The following FYN variants were observed in gnomAD, a reference collection of about 807,000 sequenced individuals.
The protein encoded by FYN is FYN proto-oncogene, Src family tyrosine kinase.
A neutral mutation model predicts 70.2 loss-of-function variants in FYN; 10 were observed. The ratio of observed to expected loss-of-function variants is 0.14; its 90% CI spans 0.09 to 0.24. The LOEUF is 0.24. FYN is among the 10% of genes least tolerant of loss of function. The probability of loss-of-function intolerance (pLI) is 1.00; values close to 1 mark genes in which losing one functional copy is unlikely to be tolerated. For synonymous variants in FYN, 236 were observed against 248.6 expected (o/e 0.95, Z 0.48); for missense variants, 319 against 673.1 (o/e 0.47, Z 5.82).
chr6:111,678,106 A>ATGTGTGTGTG (rs201367268), intron 12 of FYN, among the ~76,000 whole-genome samples: 180 of 118,600 alleles, frequency 1.5e-3, no homozygotes, highest in African/African-American at 7.5e-3. Flanking sequence ...GAAGGCCATA[A>ATGTGTGTGTG]TATGTGTGTG....
At chr6:111,693,505 A>C (rs1171772578) in intron 12 of FYN, among the ~76,000 whole-genome samples, 1 of 152,162 alleles carries the variant, frequency 6.6e-6, no homozygotes, top group Non-Finnish European at 1.5e-5. Context: ...GAAGAAGGAA[A>C]ATATTCCTAA....
chr6:111,818,167 A>G (rs931225551), intron 2 of FYN, among the ~76,000 whole-genome samples: 2 of 152,240 alleles, frequency 1.3e-5, no homozygotes, highest in Non-Finnish European at 2.9e-5. Flanking sequence ...TTGGTCTTGC[A>G]GTATTTACCC....
intron 12 of FYN, among the ~76,000 whole-genome samples, 178 bp from the exon 13 acceptor site, chr6:111,674,808 G>A (rs1391698009): frequency 2.0e-5 from 3 of 152,128 alleles, no homozygotes; most frequent in Non-Finnish European, 2.9e-5. Context: ...GGTCTTGACT[G>A]TGTGACCGTA....
At chr6:111,742,496 C>A (rs1315041446) in intron 3 of FYN, among the ~76,000 whole-genome samples, 1 of 152,158 alleles carries the variant, frequency 6.6e-6, no homozygotes, top group African/African-American at 2.4e-5. Context: ...CTTCTAACCC[C>A]AAAACCCCAG....
chr6:111,845,944 G>A (rs139978133), intron 2 of FYN, among the ~76,000 whole-genome samples: 13 of 152,198 alleles, frequency 8.5e-5, no homozygotes, highest in African/African-American at 3.1e-4. Context: ...AGTTTTTCTG[G>A]ATAGCTCAGC....
chr6:111,695,554 A>G (rs182869549), intron 10 of FYN, among the ~76,000 whole-genome samples: 6 of 152,394 alleles, frequency 3.9e-5, no homozygotes, highest in Admixed American at 3.9e-4. Context: ...AACCCTGGAT[A>G]CAAAGGACAA....
At chr6:111,678,108 ATGTGTGTGTGTGTG>A (rs57015847) in intron 12 of FYN, among the ~76,000 whole-genome samples, 2,439 of 94,018 alleles carry the variant, frequency 0.026, 73 homozygotes, top group African/African-American at 0.069. Flanking sequence ...AGGCCATAAT[ATGTGTGTGTGTGTG>A]TGTGTGTGTG....
chr6:111,716,878 G>A (rs1310236477), intron 4 of FYN, among the ~76,000 whole-genome samples: 2 of 150,398 alleles, frequency 1.3e-5, no homozygotes, highest in Non-Finnish European at 3.0e-5. Flanking sequence ...TCCGCCTCCC[G>A]GGTTCAAGTG....
chr6:111,744,748 A>G (rs1802131357), intron 3 of FYN, among the ~76,000 whole-genome samples: 1 of 152,202 alleles, frequency 6.6e-6, no homozygotes, highest in Non-Finnish European at 1.5e-5. Context: ...GTAAAGATAA[A>G]ACAAAGTGGT....
At chr6:111,832,000 G>A (rs987426438) in intron 2 of FYN, among the ~76,000 whole-genome samples, 1 of 152,128 alleles carries the variant, frequency 6.6e-6, no homozygotes, top group Non-Finnish European at 1.5e-5. Context: ...AGGACTACAC[G>A]CTACACCCAA....
At chr6:111,785,777 G>T (rs200151791) in intron 2 of FYN, among the ~76,000 whole-genome samples, 8 of 150,782 alleles carry the variant, frequency 5.3e-5, no homozygotes. Flanking sequence ...CCATTAACTC[G>T]TCATTTACAT....
chr6:111,752,262 C>T (rs1167503664), intron 3 of FYN, among the ~76,000 whole-genome samples: 8 of 152,320 alleles, frequency 5.3e-5, no homozygotes, highest in Middle Eastern at 3.4e-3. Flanking sequence ...TCCATCTACC[C>T]ATGATCCATC....
At chr6:111,802,778 A>G (rs1252558473) in intron 2 of FYN, among the ~76,000 whole-genome samples, 1 of 135,964 alleles carries the variant, frequency 7.4e-6, no homozygotes, top group Admixed American at 7.0e-5. Context: ...TTCTGGCTGA[A>G]AAAAAAAAAA....
At chr6:111,852,580 C>T (rs1268762438) in intron 1 of FYN, among the ~76,000 whole-genome samples, 1 of 152,068 alleles carries the variant, frequency 6.6e-6, no homozygotes, top group Non-Finnish European at 1.5e-5. Flanking sequence ...GAAATTATCT[C>T]ATTTTAAGGC....
chr6:111,773,625 A>AGGGAGAGAGGGGGAGGGGAAGAGGGGGG (rs1562515469), intron 3 of FYN, among the ~76,000 whole-genome samples: 1 of 38,844 alleles, frequency 2.6e-5, no homozygotes, highest in African/African-American at 1.1e-4. Context: ...AGAGAGGGGG[A>AGGGAGAGAGGGGGAGGGGAAGAGGGGGG]AAGGAGAGGG....
chr6:111,758,080 T>G (rs976400603), intron 3 of FYN, among the ~76,000 whole-genome samples: 1 of 152,228 alleles, frequency 6.6e-6, no homozygotes, highest in Non-Finnish European at 1.5e-5. Context: ...CTGATGTTGT[T>G]TTTAAAAATA....
intron 3 of FYN, among the ~76,000 whole-genome samples, chr6:111,764,228 A>AAAAAAAAAAAAAAAG (rs530424442): frequency 3.7e-5 from 5 of 134,838 alleles, no homozygotes; most frequent in African/African-American, 1.3e-4. Context: ...AAAAAAAAAA[A>AAAAAAAAAAAAAAAG]AAAAGAAAAG....
intron 3 of FYN, among the ~76,000 whole-genome samples, chr6:111,757,074 T>C (rs1303502333): frequency 6.6e-6 from 1 of 152,162 alleles, no homozygotes; most frequent in Non-Finnish European, 1.5e-5. Flanking sequence ...TAATTATTTA[T>C]AGATGGTATG....
chr6:111,864,099 G>A (rs1774039469), intron 1 of FYN, among the ~76,000 whole-genome samples: 1 of 152,072 alleles, frequency 6.6e-6, no homozygotes, highest in African/African-American at 2.4e-5. Flanking sequence ...CTTATTATGC[G>A]ATAAGACCTG....
Sources: allele counts gnomAD v4.1 joint callset (sites outside exome capture counted in the v4.1 genomes callset), GRCh38; gene constraint gnomAD v4.1.1; transcripts MANE v1.5; gene names NCBI Gene and HGNC (gene_info 2026-07-23, HGNC 2026-07-21).